The following CNTN1 variants were observed in gnomAD, a reference collection of about 807,000 sequenced individuals.
CNTN1 encodes contactin 1, also known as contactin-1.
In CNTN1, 38 loss-of-function variants were observed where a neutral mutation model predicts 126.4. The ratio of observed to expected loss-of-function variants is 0.30; its 90% CI spans 0.23 to 0.39. The LOEUF (loss-of-function observed/expected upper bound fraction) is 0.39, where lower values mean the gene tolerates loss of function less well. CNTN1 is among the 10% of genes least tolerant of loss of function. The pLI is 1.00. For missense variants in CNTN1, 1,009 were observed against 1,248.4 expected, an observed-to-expected ratio of 0.81 and a Z score of 2.89; for synonymous variants, 413 against 422.6, an observed-to-expected ratio of 0.98 and a Z score of 0.28.
chr12:40,916,731 A>T (rs1220572085), intron 3 of CNTN1, among the ~76,000 whole-genome samples: 1 of 152,094 alleles, frequency 6.6e-6, no homozygotes, highest in Non-Finnish European at 1.5e-5. Context: ...CTTAATAATA[A>T]TTGTGGTAGG....
chr12:40,692,748 C>CGGAGGT (rs1164646833), intron 1 of CNTN1, among the ~76,000 whole-genome samples, 156 bp downstream of exon 1: 6 of 152,364 alleles, frequency 3.9e-5, no homozygotes, highest in African/African-American at 1.4e-4. Context: ...AGGACTGGGG[C>CGGAGGT]GGAGGTGGCT....
intron 1 of CNTN1, among the ~76,000 whole-genome samples, chr12:40,702,678 C>T (rs1464474133): frequency 6.6e-6 from 1 of 152,116 alleles, no homozygotes; most frequent in African/African-American, 2.4e-5. Context: ...TCAGGTGATT[C>T]ACCCACTTCA....
chr12:40,736,634 A>T (rs1937697302), intron 1 of CNTN1, among the ~76,000 whole-genome samples: 1 of 152,102 alleles, frequency 6.6e-6, no homozygotes, highest in African/African-American at 2.4e-5. Context: ...GTAACTAGAG[A>T]CAAGTTCCTA....
At chr12:40,954,245 T>C (rs1221712708) in intron 14 of CNTN1, among the ~76,000 whole-genome samples, 1 of 152,112 alleles carries the variant, frequency 6.6e-6, no homozygotes, top group Non-Finnish European at 1.5e-5. Context: ...TTTTACTTAA[T>C]ACATTTATAT....
chr12:40,895,755 A>ATTTTT (rs35784846), intron 1 of CNTN1, among the ~76,000 whole-genome samples: 60 of 121,710 alleles, frequency 4.9e-4, no homozygotes, highest in African/African-American at 1.8e-3. Flanking sequence ...GTGCTTCAAG[A>ATTTTT]TTTTTTTTTT....
At chr12:40,748,218 T>G (rs2136393060) in intron 1 of CNTN1, among the ~76,000 whole-genome samples, 1 of 152,202 alleles carries the variant, frequency 6.6e-6, no homozygotes, top group South Asian at 2.1e-4. Context: ...TTGTTAACTG[T>G]TAGGTGAGAG....
intron 1 of CNTN1, among the ~76,000 whole-genome samples, chr12:40,786,811 T>C (rs756832235): frequency 2.6e-5 from 4 of 152,182 alleles, no homozygotes; most frequent in African/African-American, 4.8e-5. Context: ...ATGTGGGATC[T>C]ATCTAGAAGA....
Position 41,069,908 on chromosome 12 carries a change from T to C in CNTN1, c.2981-51T>C, listed in dbSNP as rs1950128032. On this transcript the variant is annotated intron_variant, in intron 23 of 23. Coordinates refer to ENST00000551295, the MANE Select transcript of CNTN1 (RefSeq NM_001843.4). The stretch of plus-strand genomic sequence containing the variant: ...TAGCTGAAGCAGACTAAATGAGCAA[T>C]AGTGACATGTATCAATGAAATAATA... 4 of 1,444,430 alleles carry C rather than the reference T, an allele frequency of 2.8e-6. No homozygotes were observed. The Admixed American group carries it at 6.7e-5, about 24-fold the overall frequency. 89.5% of individuals were successfully genotyped at this position (1,444,430 alleles called of 1,614,324 possible). A position where few individuals can be genotyped will look rare whatever the true frequency, so the allele number is the denominator to read the frequency against.
At chr12:40,704,857 G>A (rs2121130736) in intron 1 of CNTN1, among the ~76,000 whole-genome samples, 1 of 152,210 alleles carries the variant, frequency 6.6e-6, no homozygotes. Context: ...TTTTACAATG[G>A]TAAAGTGATT....
intron 1 of CNTN1, among the ~76,000 whole-genome samples, chr12:40,846,565 G>A (rs1356630641): frequency 6.6e-6 from 1 of 152,202 alleles, no homozygotes; most frequent in Non-Finnish European, 1.5e-5. Flanking sequence ...AGCTTCACCA[G>A]AGTCAAGTCT....
At chr12:40,864,929 G>C (rs1943248124) in intron 1 of CNTN1, among the ~76,000 whole-genome samples, 1 of 149,520 alleles carries the variant, frequency 6.7e-6, no homozygotes, top group African/African-American at 2.5e-5. Flanking sequence ...GTTTTCCAAA[G>C]TAACAGCACT....
intron 1 of CNTN1, among the ~76,000 whole-genome samples, chr12:40,783,424 A>G (rs79011996): frequency 1.4e-3 from 217 of 152,180 alleles, no homozygotes; most frequent in South Asian, 9.3e-3. Flanking sequence ...TGAGTTTTGA[A>G]TTTGTTTTTT....
At chr12:41,028,064 C>T (rs1566173703) in intron 22 of CNTN1, 95 bp downstream of exon 22, 1 of 871,002 alleles carries the variant, frequency 1.1e-6, no homozygotes, top group Non-Finnish European at 1.9e-6. Context: ...TGGAATTTTG[C>T]TCTGTCACCC....
intron 1 of CNTN1, among the ~76,000 whole-genome samples, chr12:40,732,983 A>G (rs546360505): frequency 6.6e-6 from 1 of 152,078 alleles, no homozygotes; most frequent in South Asian, 2.1e-4. Flanking sequence ...TTTACTAGAA[A>G]ATTTATTCTT....
intron 23 of CNTN1, among the ~76,000 whole-genome samples, chr12:41,042,366 G>A (rs1217908067): frequency 6.6e-6 from 1 of 152,088 alleles, no homozygotes; most frequent in Non-Finnish European, 1.5e-5. Context: ...TAGGTGTGGT[G>A]TGGTGCTGAA....
At chr12:40,847,307 T>A (rs1217614921) in intron 1 of CNTN1, among the ~76,000 whole-genome samples, 1 of 152,200 alleles carries the variant, frequency 6.6e-6, no homozygotes, top group Non-Finnish European at 1.5e-5. Context: ...GATCCTTAGT[T>A]TTTTAGGGAT....
chr12:40,886,112 G>C (rs1225325076), intron 1 of CNTN1, among the ~76,000 whole-genome samples: 4 of 151,850 alleles, frequency 2.6e-5, no homozygotes, highest in Non-Finnish European at 2.9e-5. Flanking sequence ...TTGATATCCT[G>C]GTCTATAATC....
At chr12:40,698,930 C>A (rs1311786931) in intron 1 of CNTN1, among the ~76,000 whole-genome samples, 2 of 152,142 alleles carry the variant, frequency 1.3e-5, no homozygotes, top group Non-Finnish European at 2.9e-5. Context: ...TCTCGCAACA[C>A]CCTCCCATGT....
intron 1 of CNTN1, among the ~76,000 whole-genome samples, chr12:40,820,595 T>C (rs1046568759): frequency 6.6e-5 from 10 of 152,144 alleles, no homozygotes; most frequent in Non-Finnish European, 1.5e-4. Context: ...TTCTAGAGTT[T>C]GGTGGGGTTT....
Sources: allele counts gnomAD v4.1 joint callset (sites outside exome capture counted in the v4.1 genomes callset), GRCh38; gene constraint gnomAD v4.1.1; transcripts MANE v1.5; gene names NCBI Gene and HGNC (gene_info 2026-07-23, HGNC 2026-07-21).